Variants in CLIC5 observed in about 807,000 individuals in gnomAD.
The protein encoded by CLIC5 is chloride intracellular channel protein 5.
In CLIC5, 20 loss-of-function variants were observed where a neutral mutation model predicts 24.7. That is an observed-to-expected ratio of 0.81 (90% CI 0.57 to 1.18). The LOEUF (loss-of-function observed/expected upper bound fraction) is 1.18, where lower values mean the gene tolerates loss of function less well. Ranked by LOEUF, CLIC5 falls within the 50% of genes most tolerant of loss-of-function variation. The probability of loss-of-function intolerance (pLI) is 0.00; values close to 1 mark genes in which losing one functional copy is unlikely to be tolerated. For synonymous variants in CLIC5, 159 were observed against 135.6 expected (o/e 1.17, Z -1.20); for missense variants, 341 against 326.1 (o/e 1.05, Z -0.35).
intron 5 of CLIC5, among the ~76,000 whole-genome samples, chr6:45,913,617 T>C (rs1346060495): frequency 6.6e-6 from 1 of 152,192 alleles, no homozygotes; most frequent in African/African-American, 2.4e-5. Context: ...GACCTCTAAA[T>C]GTCCTTTCCA....
intron 2 of CLIC5, among the ~76,000 whole-genome samples, chr6:45,952,271 T>C (rs577368907): frequency 6.6e-6 from 1 of 152,344 alleles, no homozygotes; most frequent in Non-Finnish European, 1.5e-5. Context: ...GCTTCAGTAT[T>C]TATAGTTGAG....
chr6:46,036,814 T>C (rs939564030), intron 1 of CLIC5, among the ~76,000 whole-genome samples: 6 of 152,350 alleles, frequency 3.9e-5, no homozygotes, highest in African/African-American at 1.4e-4. Flanking sequence ...TTTTGTAGTA[T>C]AAGAATTGTG....
intron 1 of CLIC5, among the ~76,000 whole-genome samples, chr6:46,075,657 T>C (rs1284092334): frequency 1.3e-5 from 2 of 152,206 alleles, no homozygotes; most frequent in Non-Finnish European, 2.9e-5. Context: ...AAATTATGTA[T>C]AGGACAAATG....
chr6:46,047,987 T>TATTCA (rs1259838463), intron 1 of CLIC5, among the ~76,000 whole-genome samples: 2 of 150,698 alleles, frequency 1.3e-5, no homozygotes, highest in Admixed American at 6.7e-5. Flanking sequence ...TCTAAATAAA[T>TATTCA]ATTCACTTCC....
chr6:46,028,164 T>C (rs1415589363), intron 1 of CLIC5, among the ~76,000 whole-genome samples: 2 of 152,240 alleles, frequency 1.3e-5, no homozygotes, highest in African/African-American at 4.8e-5. Context: ...TCATAAGCAC[T>C]GTCTCCTTGT....
At chr6:46,068,569 A>G (rs866090349) in intron 1 of CLIC5, among the ~76,000 whole-genome samples, 4 of 152,174 alleles carry the variant, frequency 2.6e-5, no homozygotes, top group African/African-American at 9.7e-5. Flanking sequence ...ATTTAATGTT[A>G]TGGCCCGAAT....
At chr6:46,084,614 T>C (rs530742756), upstream of CLIC5, among the ~76,000 whole-genome samples, 1 of 152,368 alleles carries the variant, frequency 6.6e-6, no homozygotes, top group African/African-American at 2.4e-5. Context: ...CACTCTCTTC[T>C]GGCTTGTAGA....
chr6:46,057,719 C>T (rs755582510), intron 1 of CLIC5, among the ~76,000 whole-genome samples: 30 of 152,164 alleles, frequency 2.0e-4, no homozygotes, highest in Non-Finnish European at 3.5e-4. Context: ...TGGCTGGATA[C>T]CAGAACCATC....
chr6:46,081,725 T>C (rs916515474), upstream of CLIC5, among the ~76,000 whole-genome samples: 2 of 152,232 alleles, frequency 1.3e-5, no homozygotes, highest in Non-Finnish European at 2.9e-5. Flanking sequence ...AAACATTTTA[T>C]TTTACATTTG....
intron 1 of CLIC5, among the ~76,000 whole-genome samples, chr6:46,051,566 G>A (rs938107684): frequency 2.6e-5 from 4 of 152,014 alleles, no homozygotes; most frequent in Non-Finnish European, 4.4e-5. Flanking sequence ...CTGCAGTTGG[G>A]GCAATCTCTA....
At chr6:45,929,934 C>T (rs1025017749) in intron 4 of CLIC5, among the ~76,000 whole-genome samples, 11 of 152,150 alleles carry the variant, frequency 7.2e-5, no homozygotes, top group Non-Finnish European at 1.5e-4. Flanking sequence ...AGGGGGGTGC[C>T]GCATCCATCC....
At chr6:46,051,647 G>A (rs1038206039) in intron 1 of CLIC5, among the ~76,000 whole-genome samples, 1 of 152,164 alleles carries the variant, frequency 6.6e-6, no homozygotes, top group East Asian at 1.9e-4. Context: ...TCCCTTTCAC[G>A]TTCTAACTGC....
chr6:45,993,040 C>A (rs146631091), intron 1 of CLIC5, among the ~76,000 whole-genome samples: 6 of 152,264 alleles, frequency 3.9e-5, no homozygotes, highest in Non-Finnish European at 5.9e-5. Flanking sequence ...CCATCAATAA[C>A]CAAGAAAGCA....
intron 1 of CLIC5, among the ~76,000 whole-genome samples, chr6:45,958,443 T>TATATACACACACACACACACACAC (rs70996359): frequency 1.8e-5 from 1 of 55,636 alleles, no homozygotes; most frequent in South Asian, 6.1e-4. Context: ...TATATATATA[T>TATATACACACACACACACACACAC]ATATATATAT....
chr6:46,035,929 TA>T (rs1446029915), intron 1 of CLIC5, among the ~76,000 whole-genome samples: 2 of 152,086 alleles, frequency 1.3e-5, no homozygotes, highest in Admixed American at 1.3e-4. Flanking sequence ...GTATTTTTAG[TA>T]GAGATGGGGT....
At chr6:45,889,870 A>T (rs546184793) in intron 6 of CLIC5, among the ~76,000 whole-genome samples, 1 of 152,344 alleles carries the variant, frequency 6.6e-6, no homozygotes, top group Admixed American at 6.5e-5. Flanking sequence ...CAACAGCAAA[A>T]GACTAGAAAT....
At chr6:46,060,864 T>C (rs1022180556) in intron 1 of CLIC5, among the ~76,000 whole-genome samples, 3 of 152,234 alleles carry the variant, frequency 2.0e-5, no homozygotes, top group African/African-American at 7.2e-5. Context: ...ACCAGAACTC[T>C]AGCATTAATT....
At chr6:46,080,777 T>A (rs1762903319), upstream of CLIC5, among the ~76,000 whole-genome samples, 1 of 152,182 alleles carries the variant, frequency 6.6e-6, no homozygotes, top group Non-Finnish European at 1.5e-5. Flanking sequence ...GATAAATGAA[T>A]TACATGCCCT....
chr6:46,106,406 A>G, the CLIC5 span, among the ~76,000 whole-genome samples: 98,418 of 152,082 alleles, frequency 0.65, 31,983 homozygotes, highest in Middle Eastern at 0.81. Context: ...ATGCCAGGCC[A>G]GAATCCTTGA....
Sources: allele counts gnomAD v4.1 joint callset (sites outside exome capture counted in the v4.1 genomes callset), GRCh38; gene constraint gnomAD v4.1.1; transcripts MANE v1.5; gene names NCBI Gene and HGNC (gene_info 2026-07-23, HGNC 2026-07-21).